The following SDCCAG8 variants were observed in gnomAD, a reference collection of about 807,000 sequenced individuals.
SDCCAG8 encodes the protein SHH signaling and ciliogenesis regulator SDCCAG8.
A neutral mutation model predicts 101.8 loss-of-function variants in SDCCAG8; 74 were observed. That is an observed-to-expected ratio of 0.73 (90% CI 0.60 to 0.88). The LOEUF is 0.88. Among genes scored for constraint, SDCCAG8 ranks in the 40% least tolerant of loss-of-function variants. The probability of loss-of-function intolerance (pLI) is 0.00; values close to 1 mark genes in which losing one functional copy is unlikely to be tolerated. For missense variants in SDCCAG8, 787 were observed against 822.6 expected, an observed-to-expected ratio of 0.96 and a Z score of 0.53; for synonymous variants, 281 against 292.9, an observed-to-expected ratio of 0.96 and a Z score of 0.41.
chr1:243,442,251 G>T (rs1283571617), intron 16 of SDCCAG8, among the ~76,000 whole-genome samples: 1 of 152,192 alleles, frequency 6.6e-6, no homozygotes, highest in Non-Finnish European at 1.5e-5. Flanking sequence ...TGCAGCAGAT[G>T]TGTATCTGCA....
At chr1:243,437,208 A>C (rs1414744536) in intron 16 of SDCCAG8, among the ~76,000 whole-genome samples, 1 of 152,216 alleles carries the variant, frequency 6.6e-6, no homozygotes, top group Non-Finnish European at 1.5e-5. Flanking sequence ...TAAACATTGA[A>C]TATTAAATGT....
At chr1:243,323,932 CTT>C (rs1233105110) in intron 9 of SDCCAG8, among the ~76,000 whole-genome samples, 1 of 152,194 alleles carries the variant, frequency 6.6e-6, no homozygotes, top group Non-Finnish European at 1.5e-5. Context: ...TCTTAAGTCT[CTT>C]TTAACTTGTT....
intron 14 of SDCCAG8, 114 bp downstream of exon 14, chr1:243,415,943 A>G: frequency 8.2e-7 from 1 of 1,226,752 alleles, no homozygotes. Context: ...AAGGGAGCAG[A>G]TGCTAACTAC....
chr1:243,311,268 A>G (rs1416947829), intron 8 of SDCCAG8, among the ~76,000 whole-genome samples: 2 of 152,170 alleles, frequency 1.3e-5, no homozygotes, highest in Non-Finnish European at 2.9e-5. Flanking sequence ...ATGTTGGACC[A>G]TCTCCAAAAT....
intron 16 of SDCCAG8, among the ~76,000 whole-genome samples, chr1:243,431,069 C>G (rs763774253): frequency 1.3e-5 from 2 of 151,970 alleles, no homozygotes; most frequent in African/African-American, 4.8e-5. Flanking sequence ...TGGTGGCGAG[C>G]GCCTGTAATC....
intron 16 of SDCCAG8, 95 bp downstream of exon 16, chr1:243,426,653 C>A: frequency 7.1e-7 from 1 of 1,411,500 alleles, no homozygotes; most frequent in Non-Finnish European, 1.0e-6. Context: ...TAGAATTCAT[C>A]ATCATTATGC....
intron 12 of SDCCAG8, among the ~76,000 whole-genome samples, chr1:243,376,139 C>G (rs1219417917): frequency 6.6e-6 from 1 of 152,058 alleles, no homozygotes; most frequent in Non-Finnish European, 1.5e-5. Flanking sequence ...GTCATATATT[C>G]TTAGGTGGGT....
chr1:243,268,511 A>T (rs779382571), intron 1 of SDCCAG8, among the ~76,000 whole-genome samples: 1 of 152,238 alleles, frequency 6.6e-6, no homozygotes, highest in African/African-American at 2.4e-5. Flanking sequence ...CTGTGTGGAC[A>T]TAGGATTGGT....
chr1:243,391,964 A>G (rs1310648965), intron 13 of SDCCAG8, among the ~76,000 whole-genome samples: 1 of 149,686 alleles, frequency 6.7e-6, no homozygotes, highest in Non-Finnish European at 1.5e-5. Flanking sequence ...CTGGTAGCTC[A>G]TCTGAAGTGT....
rs1390841132 is a variant in SDCCAG8, at chr1:243,417,096, T to C, written c.1745-872T>C. Among the ~76,000 whole-genome samples the C allele has an allele frequency of 3.9e-5, 6 of 152,360 alleles. No homozygotes were observed. In the South Asian group the frequency reaches 1.2e-3, roughly 32 times the overall value. On this transcript the variant is annotated intron_variant, in intron 14 of 17. Transcript: ENST00000366541. ...TACTTATGAAGAGGCAAATGTCATA[T>C]TGACTCACATAATTCCCTCTATCAC...
intron 8 of SDCCAG8, among the ~76,000 whole-genome samples, chr1:243,313,260 A>G (rs1376958923): frequency 6.6e-6 from 1 of 152,222 alleles, no homozygotes; most frequent in Admixed American, 6.5e-5. Context: ...AACACTTATT[A>G]GTGATACCTA....
intron 16 of SDCCAG8, among the ~76,000 whole-genome samples, chr1:243,479,426 A>G (rs1030300317): frequency 1.3e-5 from 2 of 152,256 alleles, no homozygotes; most frequent in Non-Finnish European, 2.9e-5. Context: ...ATGGTGCAAA[A>G]GCAGCCATAG....
chr1:243,394,087 A>G (rs2078889874), intron 13 of SDCCAG8, among the ~76,000 whole-genome samples: 1 of 152,236 alleles, frequency 6.6e-6, no homozygotes, highest in Non-Finnish European at 1.5e-5. Flanking sequence ...TTTGTATTAA[A>G]ACGACGACTT....
chr1:243,336,030 C>T (rs1159547201), intron 10 of SDCCAG8, among the ~76,000 whole-genome samples: 1 of 152,166 alleles, frequency 6.6e-6, no homozygotes, highest in Non-Finnish European at 1.5e-5. Context: ...TTTCTTTATC[C>T]AGTCCATTCT....
At chr1:243,472,527 GT>G (rs1458123441) in intron 16 of SDCCAG8, among the ~76,000 whole-genome samples, 1 of 152,198 alleles carries the variant, frequency 6.6e-6, no homozygotes. Flanking sequence ...CAGCATCCAG[GT>G]TAAAAATGAA....
intron 1 of SDCCAG8, among the ~76,000 whole-genome samples, chr1:243,260,102 A>G (rs975232109): frequency 2.6e-5 from 4 of 152,122 alleles, no homozygotes; most frequent in African/African-American, 9.7e-5. Context: ...ATGCCCTTTT[A>G]CAAGAAATTG....
intron 16 of SDCCAG8, among the ~76,000 whole-genome samples, chr1:243,472,391 C>T (rs1351911827): frequency 1.3e-5 from 2 of 152,154 alleles, no homozygotes; most frequent in East Asian, 3.9e-4. Context: ...GTTTGTTTGT[C>T]TGTTTCTAAG....
At chr1:243,307,726 C>G (rs754304325) in intron 7 of SDCCAG8, 1 of 1,361,686 alleles carries the variant, frequency 7.3e-7, no homozygotes, top group Admixed American at 3.3e-5. Flanking sequence ...CAGTGTCAGG[C>G]GGATTCTAAT....
intron 13 of SDCCAG8, among the ~76,000 whole-genome samples, chr1:243,385,992 A>G (rs537571672): frequency 4.6e-5 from 7 of 152,304 alleles, no homozygotes; most frequent in African/African-American, 1.7e-4. Context: ...ACCAACAACA[A>G]TATATTCGTC....
Sources: gnomAD v4.1 joint callset for allele counts (sites outside exome capture counted in the v4.1 genomes callset) on GRCh38, gnomAD v4.1.1 for gene constraint, MANE v1.5 for transcripts, NCBI Gene and HGNC (gene_info 2026-07-23, HGNC 2026-07-21) for gene names.